The following MAMLD1 variants were observed in gnomAD, a reference collection of about 807,000 sequenced individuals.
MAMLD1 encodes the protein mastermind-like domain-containing protein 1.
MAMLD1 carries 14 observed loss-of-function variants against 45.0 expected under a neutral mutation model. The ratio of observed to expected loss-of-function variants is 0.31; its 90% CI spans 0.21 to 0.49. MAMLD1 has a LOEUF of 0.49. Ranked by LOEUF, MAMLD1 falls within the 20% of genes least tolerant of loss-of-function variation. MAMLD1 has a pLI of 0.99. For synonymous variants in MAMLD1, 254 were observed against 247.8 expected (o/e 1.02, Z -0.24); for missense variants, 543 against 603.6 (o/e 0.90, Z 1.05).
At chrX:150,506,306 C>G (rs1447543799) in intron 6 of MAMLD1, among the ~76,000 whole-genome samples, 1 of 107,141 alleles carries the variant, frequency 9.3e-6, no homozygotes, top group Non-Finnish European at 1.9e-5. Context: ...CTCCCTCCTC[C>G]TCTACCCTCC....
At chrX:150,509,894 C>T in intron 6 of MAMLD1, 68 bp from the exon 7 acceptor site, 1 of 802,898 alleles carries the variant, frequency 1.2e-6, no homozygotes. Context: ...GGTCCCCACG[C>T]AGCGATCCTA....
At position 150,503,390 on chromosome X, in the gene MAMLD1, C is replaced by G. The variant is rs782661439; in HGVS notation, c.2157C>G (p.Ser719=). The change falls in exon 6 of 8, where the codon TCC becomes TCG. Residue 719 remains serine (S), a synonymous_variant. Coordinates refer to ENST00000370401, the MANE Select transcript of MAMLD1 (RefSeq NM_005491.5). ...GTGAGTCCTTCCTGCCCGGCAGCTC[C>G]TTTGCTCATGAGCTGGCCCGAGTCA... ...LGSESFLPGS[S]FAHELARVTS... 707 of 1,210,603 alleles carry G rather than the reference C, an allele frequency of 5.8e-4. 5 individuals carry two copies. In the South Asian group the frequency reaches 0.011, roughly 20 times the overall value.
At chrX:150,482,004 G>GAAAGAAAGAA (rs1235794755) in intron 5 of MAMLD1, among the ~76,000 whole-genome samples, 31 of 106,094 alleles carry the variant, frequency 2.9e-4, no homozygotes, top group African/African-American at 1.1e-3. Flanking sequence ...AAGAAAGAAA[G>GAAAGAAAGAA]AAAGAAAGAA....
At chrX:150,363,643 G>A (rs1325451964) in intron 1 of MAMLD1, 113 bp downstream of exon 1, 4 of 112,221 alleles carry the variant, frequency 3.6e-5, no homozygotes, top group Non-Finnish European at 7.5e-5. Context: ...GGGGTGCTTC[G>A]AGTCGGTAGA....
intron 3 of MAMLD1, among the ~76,000 whole-genome samples, chrX:150,467,370 C>T (rs1602918466): frequency 9.0e-6 from 1 of 111,588 alleles, no homozygotes; most frequent in South Asian, 3.8e-4. Flanking sequence ...TGCTGTGGGC[C>T]AAACAGTTAG....
At chrX:150,497,965 G>T (rs2037439484) in intron 5 of MAMLD1, among the ~76,000 whole-genome samples, 1 of 110,608 alleles carries the variant, frequency 9.0e-6, no homozygotes, top group African/African-American at 3.3e-5. Context: ...CTTTACAATG[G>T]GATTATAATA....
chrX:150,492,995 C>A (rs1557408028), intron 5 of MAMLD1, among the ~76,000 whole-genome samples: 1 of 111,329 alleles, frequency 9.0e-6, no homozygotes, highest in South Asian at 3.8e-4. Flanking sequence ...AGAATGATGT[C>A]CCCCTCCCAT....
chrX:150,461,854 G>A (rs781958338), intron 2 of MAMLD1, among the ~76,000 whole-genome samples: 120 of 112,353 alleles, frequency 1.1e-3, no homozygotes, highest in Non-Finnish European at 1.9e-3. Flanking sequence ...TTGGCACTAG[G>A]AGCCACCCTC....
intron 1 of MAMLD1, among the ~76,000 whole-genome samples, chrX:150,413,893 A>G (rs2034182905): frequency 1.8e-5 from 2 of 108,197 alleles, no homozygotes; most frequent in African/African-American, 6.7e-5. Flanking sequence ...GGAGGAAGTG[A>G]TTGTGAGAGA....
chrX:150,481,961 G>A lies in MAMLD1; in HGVS notation c.2040+8159G>A, dbSNP rs781967914. Among the ~76,000 whole-genome samples, 257 of 58,093 alleles carry A rather than the reference G, an allele frequency of 4.4e-3. 1 individual carries two copies. The highest frequency in any genetic ancestry group is 0.02 in the African/African-American group (236 of 11,759). The allele number at this position is 58,093 out of a possible 115,157, so 50.4% of individuals were successfully genotyped here. A position where few individuals can be genotyped will look rare whatever the true frequency, so the allele number is the denominator to read the frequency against. ...AAGAAAGAAAAAAGAAAGAAAGAAA[G>A]AAAAAAGAAAGAAAGAAAGAAAGAA... On this transcript the variant is annotated intron_variant, in intron 5 of 7. Transcript: ENST00000370401.
intron 1 of MAMLD1, among the ~76,000 whole-genome samples, chrX:150,405,658 C>T (rs1160976946): frequency 8.9e-6 from 1 of 111,817 alleles, no homozygotes. Flanking sequence ...GTTTTCCACG[C>T]TTTGAGCACT....
At chrX:150,460,844 C>T (rs1412858150) in intron 2 of MAMLD1, among the ~76,000 whole-genome samples, 1 of 112,108 alleles carries the variant, frequency 8.9e-6, no homozygotes, top group African/African-American at 3.2e-5. Flanking sequence ...TGAAATGTAC[C>T]AGTAGCCCCT....
At chrX:150,430,456 G>C (rs182598081) in intron 1 of MAMLD1, among the ~76,000 whole-genome samples, 37 of 111,436 alleles carry the variant, frequency 3.3e-4, no homozygotes, top group African/African-American at 1.2e-3. Context: ...CTTTCACAGA[G>C]CGAAAGATTT....
intron 2 of MAMLD1, among the ~76,000 whole-genome samples, chrX:150,447,640 T>C (rs2035533692): frequency 9.0e-6 from 1 of 111,642 alleles, no homozygotes; most frequent in African/African-American, 3.3e-5. Flanking sequence ...CAGAATGGCC[T>C]GTGAGTCCAC....
At position 150,512,172 on chromosome X, in the gene MAMLD1, C is replaced by A; in HGVS notation, c.*213C>A. ...GAGGGCATGGGAGTGATCTCACCAACTCTGGGGAAGCGGCAAGGAATTTTC... is the reference window on the plus strand; with the variant it reads ...GAGGGCATGGGAGTGATCTCACCAAATCTGGGGAAGCGGCAAGGAATTTTC... On this transcript the variant is annotated 3_prime_UTR_variant, in exon 8 of 8. Coordinates refer to ENST00000370401, the MANE Select transcript of MAMLD1 (RefSeq NM_005491.5). 8.7e-7 allele frequency: 1 copy of A among 1,144,242 alleles called. No individual in the cohort carries two copies. Among genetic ancestry groups the A allele is most frequent in the Non-Finnish European group, 1.2e-6 (1 of 866,496 alleles). 94.3% of individuals were successfully genotyped at this position (1,144,242 alleles called of 1,213,427 possible).
intron 1 of MAMLD1, among the ~76,000 whole-genome samples, chrX:150,392,754 G>T (rs2033240820): frequency 9.4e-6 from 1 of 106,445 alleles, no homozygotes; most frequent in Non-Finnish European, 2.0e-5. Flanking sequence ...AGGGGAAAAG[G>T]CTTTTCCTGG....
At chrX:150,407,827 G>C (rs2034033480) in intron 1 of MAMLD1, among the ~76,000 whole-genome samples, 1 of 112,595 alleles carries the variant, frequency 8.9e-6, no homozygotes, top group South Asian at 3.6e-4. Flanking sequence ...CTGGCACTCT[G>C]TTAGCACATA....
intron 5 of MAMLD1, among the ~76,000 whole-genome samples, chrX:150,499,608 A>G (rs1557408444): frequency 9.0e-6 from 1 of 111,352 alleles, no homozygotes; most frequent in Non-Finnish European, 1.9e-5. Flanking sequence ...GCAGAGGAGG[A>G]GCCCATGCAT....
Position 150,503,366 on chromosome X carries a change from T to G in MAMLD1, c.2133T>G (p.Ser711Arg). The change falls in exon 6 of 8, where the codon AGT becomes AGG. Residue 711 changes from serine to arginine, a missense_variant. Transcript: ENST00000370401. ...CCCCGTCCTGCCAGGCCCTGGGGAG[T>G]GAGTCCTTCCTGCCCGGCAGCTCCT... ...RQPPSCQALG[S>R]ESFLPGSSFA... 8.3e-7 allele frequency: 1 copy of G among 1,211,112 alleles called. No homozygotes were observed. The highest frequency in any genetic ancestry group is 1.1e-6 in the Non-Finnish European group (1 of 894,865).
Sources: allele counts gnomAD v4.1 joint callset (sites outside exome capture counted in the v4.1 genomes callset), GRCh38; gene constraint gnomAD v4.1.1; transcripts MANE v1.5; gene names NCBI Gene and HGNC (gene_info 2026-07-23, HGNC 2026-07-21).